The following RNF150 variants were observed in gnomAD, a reference collection of about 807,000 sequenced individuals.
The protein encoded by RNF150 is ring finger protein 150.
RNF150 carries 24 observed loss-of-function variants against 39.3 expected under a neutral mutation model. The observed-to-expected ratio is 0.61, with a 90% confidence interval of 0.44 to 0.86. The LOEUF is 0.86. Among genes scored for constraint, RNF150 ranks in the 40% least tolerant of loss-of-function variants. The probability of loss-of-function intolerance (pLI) is 0.00; values close to 1 mark genes in which losing one functional copy is unlikely to be tolerated. For synonymous variants in RNF150, 255 were observed against 227.3 expected, an observed-to-expected ratio of 1.12 and a Z score of -1.10; for missense variants, 502 against 587.8, an observed-to-expected ratio of 0.85 and a Z score of 1.51.
rs1305913631 is a variant in RNF150, at chr4:140,859,874, AC to A, written c.*8386del. 1 of 152,194 alleles carries A rather than the reference AC, an allele frequency of 6.6e-6. No individual in the cohort carries two copies. Among genetic ancestry groups the A allele is most frequent in the Non-Finnish European group, 1.5e-5 (1 of 68,028 alleles). The allele number at this position is 152,194 out of a possible 1,614,324, so 9.4% of individuals were successfully genotyped here. A position where few individuals can be genotyped will look rare whatever the true frequency, so the allele number is the denominator to read the frequency against. The stretch of plus-strand genomic sequence containing the variant: ...GCAGTGAAATTTCCTGGAATTCACA[AC>A]CCTCATTTAAAAATCCTTATAGTTG... On this transcript the variant is annotated 3_prime_UTR_variant, in exon 7 of 7. Transcript: ENST00000515673.
intron 4 of RNF150, among the ~76,000 whole-genome samples, chr4:140,936,029 A>G (rs1198225939): frequency 1.3e-5 from 2 of 152,232 alleles, no homozygotes; most frequent in African/African-American, 4.8e-5. Context: ...AAATGGAATC[A>G]TAAAGTATGT....
chr4:141,157,936 C>A (rs1316814598), intron 1 of RNF150, among the ~76,000 whole-genome samples: 3 of 152,198 alleles, frequency 2.0e-5, no homozygotes, highest in Non-Finnish European at 4.4e-5. Context: ...ATATTCTTTC[C>A]ATTATCCCCT....
chr4:141,083,190 C>T (rs1188827684), intron 1 of RNF150, among the ~76,000 whole-genome samples: 1 of 152,174 alleles, frequency 6.6e-6, no homozygotes, highest in Non-Finnish European at 1.5e-5. Context: ...ATAATTTCCC[C>T]CTCCAACCAT....
At chr4:140,991,105 T>C (rs1218851643) in intron 1 of RNF150, among the ~76,000 whole-genome samples, 8 of 152,200 alleles carry the variant, frequency 5.3e-5, no homozygotes. Context: ...TTGAGCTTTT[T>C]TATTTTTTTC....
Position 140,863,101 on chromosome 4 carries a change from A to G in RNF150, c.*5160T>C, listed in dbSNP as rs1442950249. ...CAGTCTTCAGGAATTAGTGGCCCTC[A>G]GATCACTTACGATGAGCAAGCACTT... On this transcript the variant is annotated 3_prime_UTR_variant, in exon 7 of 7. Transcript: ENST00000515673. 2 of 152,176 alleles carry G rather than the reference A, an allele frequency of 1.3e-5. No homozygotes were observed. The highest frequency in any genetic ancestry group is 4.8e-5 in the African/African-American group (2 of 41,434). 9.4% of individuals were successfully genotyped at this position (152,176 alleles called of 1,614,324 possible).
intron 6 of RNF150, among the ~76,000 whole-genome samples, chr4:140,897,970 A>G (rs1215180153): frequency 6.6e-6 from 1 of 152,202 alleles, no homozygotes; most frequent in African/African-American, 2.4e-5. Context: ...TGTCAGGGAC[A>G]TAAATTAGGG....
intron 1 of RNF150, among the ~76,000 whole-genome samples, chr4:141,159,197 G>C (rs1286597006): frequency 2.6e-5 from 4 of 152,138 alleles, no homozygotes; most frequent in Non-Finnish European, 5.9e-5. Context: ...GTAAGAAAAT[G>C]TTTTAGGCTC....
chr4:140,995,655 G>T (rs146085757), intron 1 of RNF150, among the ~76,000 whole-genome samples: 3 of 152,034 alleles, frequency 2.0e-5, no homozygotes, highest in Non-Finnish European at 2.9e-5. Flanking sequence ...GTTGTGTCCC[G>T]CCTCCTATCT....
chr4:141,175,270 A>G (rs2033613), intron 1 of RNF150, among the ~76,000 whole-genome samples: 5,375 of 152,326 alleles, frequency 0.035, 132 homozygotes, highest in Non-Finnish European at 0.054. Flanking sequence ...TTGAGCTCCT[A>G]TTATATTACC....
chr4:141,014,372 C>T (rs911209544), intron 1 of RNF150, among the ~76,000 whole-genome samples: 3 of 152,074 alleles, frequency 2.0e-5, no homozygotes, highest in Admixed American at 6.6e-5. Flanking sequence ...GTGGGGTTAC[C>T]GAGTCACATA....
intron 1 of RNF150, among the ~76,000 whole-genome samples, chr4:141,006,217 TATAC>T (rs1482283864): frequency 2.4e-5 from 1 of 41,610 alleles, no homozygotes; most frequent in African/African-American, 4.3e-5. Flanking sequence ...CACACATATA[TATAC>T]ACATATATAT....
intron 1 of RNF150, among the ~76,000 whole-genome samples, chr4:141,170,786 T>G (rs1305258147): frequency 6.6e-6 from 1 of 152,210 alleles, no homozygotes; most frequent in Admixed American, 6.5e-5. Context: ...CTAGCTTCAG[T>G]GTGTTCCAGA....
chr4:141,138,111 A>G (rs1310953795), upstream of RNF150, among the ~76,000 whole-genome samples: 5 of 152,232 alleles, frequency 3.3e-5, no homozygotes, highest in African/African-American at 1.2e-4. Flanking sequence ...GCTTCTTGCC[A>G]TTAATGTGCA....
At chr4:141,170,032 C>G (rs977362707) in intron 1 of RNF150, among the ~76,000 whole-genome samples, 7 of 152,078 alleles carry the variant, frequency 4.6e-5, no homozygotes, top group Admixed American at 3.3e-4. Flanking sequence ...TTATCTTGCT[C>G]TAAACTAAAC....
intron 6 of RNF150, among the ~76,000 whole-genome samples, chr4:140,880,096 T>C (rs1471013278): frequency 6.6e-6 from 1 of 152,204 alleles, no homozygotes; most frequent in Non-Finnish European, 1.5e-5. Context: ...AAGAAAGCTT[T>C]CAGTTTTTCA....
chr4:140,997,012 CA>C, intron 1 of RNF150: 1 of 152,310 alleles, frequency 6.6e-6, no homozygotes, highest in African/African-American at 2.4e-5. Context: ...TCTCATATTT[CA>C]GACCCATTGA....
intron 1 of RNF150, among the ~76,000 whole-genome samples, chr4:141,190,086 T>G (rs926391464): frequency 6.6e-6 from 1 of 152,176 alleles, no homozygotes; most frequent in Non-Finnish European, 1.5e-5. Flanking sequence ...GGGAGGTAGT[T>G]CACTGGCCCC....
Position 140,860,475 on chromosome 4 carries a change from A to G in RNF150, c.*7786T>C, listed in dbSNP as rs1420682659. The G allele has an allele frequency of 2.0e-5, 3 of 152,200 alleles. No homozygotes were observed. The highest frequency in any genetic ancestry group is 7.2e-5 in the African/African-American group (3 of 41,450). 9.4% of individuals were successfully genotyped at this position (152,200 alleles called of 1,614,324 possible). On this transcript the variant is annotated 3_prime_UTR_variant, in exon 7 of 7. Transcript: ENST00000515673. ...AAGGAAGCTCAGTCACACAGTCTGA[A>G]TATGGAGAGGATAGACAATGCCGAG... is the stretch of plus-strand genomic sequence containing the variant.
chr4:141,102,209 A>C (rs766639310), intron 1 of RNF150, among the ~76,000 whole-genome samples: 103 of 152,208 alleles, frequency 6.8e-4, no homozygotes, highest in Non-Finnish European at 2.2e-4. Flanking sequence ...CATATAAATA[A>C]AACCACATTT....
Sources: allele counts gnomAD v4.1 joint callset (sites outside exome capture counted in the v4.1 genomes callset), GRCh38; gene constraint gnomAD v4.1.1; transcripts MANE v1.5; gene names NCBI Gene and HGNC (gene_info 2026-07-23, HGNC 2026-07-21).